ADGRV1: variants seen among roughly 807,000 people sequenced by gnomAD.
ADGRV1 encodes the protein adhesion G protein-coupled receptor V1, also known as G-protein coupled receptor 98.
In ADGRV1, 359 loss-of-function variants were observed where a neutral mutation model predicts 596.2. The observed-to-expected ratio is 0.60, with a 90% CI of 0.55 to 0.66. ADGRV1 has a LOEUF of 0.66. ADGRV1 is among the 30% of genes least tolerant of loss of function. ADGRV1 has a pLI of 0.00. For synonymous variants in ADGRV1, 2,681 were observed against 2,679.2 expected, an observed-to-expected ratio of 1.00 and a Z score of -0.02; for missense variants, 7,274 against 7,575.6, an observed-to-expected ratio of 0.96 and a Z score of 1.48.
chr5:91,105,665 C>T (rs911772016), intron 87 of ADGRV1, among the ~76,000 whole-genome samples: 4 of 152,086 alleles, frequency 2.6e-5, no homozygotes, highest in African/African-American at 9.7e-5. Context: ...ATTCAGATTG[C>T]TTTTGCTGTT....
At chr5:90,611,771 A>G (rs1762756781) in intron 1 of ADGRV1, among the ~76,000 whole-genome samples, 1 of 152,020 alleles carries the variant, frequency 6.6e-6, no homozygotes, top group African/African-American at 2.4e-5. Context: ...TGCTGTGTCA[A>G]TTACTAATGC....
At chr5:90,800,879 T>A (rs2366932) in intron 70 of ADGRV1, among the ~76,000 whole-genome samples, 32,853 of 151,752 alleles carry the variant, frequency 0.22, 7,503 homozygotes, top group African/African-American at 0.58. Flanking sequence ...CAATGAGAAC[T>A]CATGGACACA....
At chr5:90,616,397 G>T (rs187152809) in intron 2 of ADGRV1, among the ~76,000 whole-genome samples, 2 of 152,152 alleles carry the variant, frequency 1.3e-5, no homozygotes, top group Admixed American at 1.3e-4. Flanking sequence ...AGTTTATGAT[G>T]ACTAAAACAT....
At chr5:91,155,488 C>T (rs148434061) in intron 89 of ADGRV1, among the ~76,000 whole-genome samples, 1 of 152,266 alleles carries the variant, frequency 6.6e-6, no homozygotes, top group African/African-American at 2.4e-5. Context: ...CAGCAAACAC[C>T]CTCCCTTAGC....
chr5:90,818,710 A>G (rs1763166430), intron 75 of ADGRV1, among the ~76,000 whole-genome samples: 1 of 150,192 alleles, frequency 6.7e-6, no homozygotes, highest in African/African-American at 2.4e-5. Flanking sequence ...TATATGCTGG[A>G]TTACATTTAT....
rs552340131 is a variant in ADGRV1 at position 90,670,423 on chromosome 5, A to T, written c.4753-2123A>T. On this transcript the variant is annotated intron_variant, in intron 21 of 89. Coordinates refer to ENST00000405460, the MANE Select transcript of ADGRV1 (RefSeq NM_032119.4). ...ACTGCTTCAACCCTGAGCAGTGCTT[A>T]TGGTGTAGTTGATCGGTGAGGGGCT... Among the ~76,000 whole-genome samples, 160 of 152,338 alleles carry T rather than the reference A, an allele frequency of 1.1e-3. 1 individual carries two copies. The highest frequency in any genetic ancestry group is 1.6e-3 in the Non-Finnish European group (112 of 68,032).
At chr5:90,815,146 G>A (rs1317030808) in intron 74 of ADGRV1, among the ~76,000 whole-genome samples, 1 of 152,158 alleles carries the variant, frequency 6.6e-6, no homozygotes, top group Non-Finnish European at 1.5e-5. Flanking sequence ...AACGTCTTAT[G>A]TGAAGGTAAA....
chr5:90,847,560 A>G (rs1350977510), intron 78 of ADGRV1, among the ~76,000 whole-genome samples: 1 of 152,132 alleles, frequency 6.6e-6, no homozygotes, highest in Non-Finnish European at 1.5e-5. Context: ...GGTGCCCTGG[A>G]GCAGGGGGAG....
At chr5:90,797,464 C>A (rs906348726) in intron 70 of ADGRV1, among the ~76,000 whole-genome samples, 11 of 151,972 alleles carry the variant, frequency 7.2e-5, no homozygotes, top group Non-Finnish European at 1.5e-4. Context: ...CAGGAGCACC[C>A]AGATTCAAAA....
At chr5:90,645,312 AC>A (rs1428317068) in intron 15 of ADGRV1, among the ~76,000 whole-genome samples, 3 of 152,180 alleles carry the variant, frequency 2.0e-5, no homozygotes, top group Admixed American at 2.0e-4. Context: ...TAGGAGAGTG[AC>A]ACTTAGAACA....
chr5:91,030,742 A>G (rs1339268469), intron 85 of ADGRV1, among the ~76,000 whole-genome samples: 1 of 152,218 alleles, frequency 6.6e-6, no homozygotes, highest in African/African-American at 2.4e-5. Context: ...TTAAGAATGC[A>G]AATAACAGAC....
chr5:90,590,076 T>C (rs1468709979), intron 1 of ADGRV1, among the ~76,000 whole-genome samples: 1 of 152,232 alleles, frequency 6.6e-6, no homozygotes, highest in African/African-American at 2.4e-5. Context: ...TGACTTCCCT[T>C]ATTATTTTAA....
chr5:91,017,399 G>A (rs1249093440), intron 85 of ADGRV1, among the ~76,000 whole-genome samples: 1 of 151,838 alleles, frequency 6.6e-6, no homozygotes, highest in Non-Finnish European at 1.5e-5. Context: ...GGATCTGTGG[G>A]GGTCTATGAA....
At chr5:90,656,932 A>G (rs1464057598) in intron 20 of ADGRV1, among the ~76,000 whole-genome samples, 1 of 152,062 alleles carries the variant, frequency 6.6e-6, no homozygotes, top group African/African-American at 2.4e-5. Flanking sequence ...AGTCCCCAAG[A>G]CTTACATATA....
intron 67 of ADGRV1, among the ~76,000 whole-genome samples, chr5:90,787,645 T>C (rs1422826051): frequency 1.4e-5 from 2 of 147,114 alleles, no homozygotes; most frequent in African/African-American, 5.0e-5. Context: ...TAGGCTGGAG[T>C]GCAGTGGCGT....
intron 83 of ADGRV1, among the ~76,000 whole-genome samples, chr5:90,954,665 G>A (rs1393856014): frequency 6.6e-6 from 1 of 151,882 alleles, no homozygotes; most frequent in Non-Finnish European, 1.5e-5. Flanking sequence ...TCTATTCCTA[G>A]TATAATTCAA....
intron 83 of ADGRV1, among the ~76,000 whole-genome samples, chr5:90,955,107 C>T (rs1777358262): frequency 6.6e-6 from 1 of 152,122 alleles, no homozygotes; most frequent in South Asian, 2.1e-4. Context: ...TGACCGTCTG[C>T]AAACCAGGAA....
At position 90,668,688 on chromosome 5, in the gene ADGRV1, T is replaced by A. The variant is rs151268590; in HGVS notation, c.4753-3858T>A. ...GACATTCGAAAGCTCTTTTAGAACT[T>A]AAAAAATTTACTTTATTGTACAAAA... On this transcript the variant is annotated intron_variant, in intron 21 of 89. Coordinates refer to ENST00000405460, the MANE Select transcript of ADGRV1 (RefSeq NM_032119.4). Among the ~76,000 whole-genome samples, 347 of 152,310 alleles carry A rather than the reference T, an allele frequency of 2.3e-3. 5 individuals are homozygous for A. Among genetic ancestry groups the A allele is most frequent in the African/African-American group, 8.1e-3 (338 of 41,556 alleles).
chr5:90,685,101 CTT>C (rs1745433656), intron 28 of ADGRV1, among the ~76,000 whole-genome samples: 1 of 152,052 alleles, frequency 6.6e-6, no homozygotes, highest in Non-Finnish European at 1.5e-5. Context: ...TTTTTGATAA[CTT>C]TTCAACACAT....
Sources: allele counts gnomAD v4.1 joint callset (sites outside exome capture counted in the v4.1 genomes callset), GRCh38; gene constraint gnomAD v4.1.1; transcripts MANE v1.5; gene names NCBI Gene and HGNC (gene_info 2026-07-23, HGNC 2026-07-21).